KIF16B: variants seen among roughly 807,000 people sequenced by gnomAD.
The protein encoded by KIF16B is kinesin-like protein KIF16B.
A neutral mutation model predicts 156.3 loss-of-function variants in KIF16B; 98 were observed. The ratio of observed to expected loss-of-function variants is 0.63; its 90% CI spans 0.53 to 0.74. KIF16B has a LOEUF of 0.74. KIF16B is among the 30% of genes least tolerant of loss of function. KIF16B has a pLI of 0.00. For synonymous variants in KIF16B, 564 were observed against 583.7 expected (o/e 0.97, Z 0.49); for missense variants, 1,421 against 1,606.5 (o/e 0.88, Z 1.97).
intron 12 of KIF16B, among the ~76,000 whole-genome samples, chr20:16,460,410 A>G (rs574897146): frequency 6.6e-6 from 1 of 152,270 alleles, no homozygotes; most frequent in East Asian, 1.9e-4. Flanking sequence ...CATCTCTACT[A>G]AAAATACAAA....
chr20:16,561,107 T>C (rs1395535238), intron 1 of KIF16B, among the ~76,000 whole-genome samples: 1 of 152,036 alleles, frequency 6.6e-6, no homozygotes, highest in Non-Finnish European at 1.5e-5. Context: ...CTAGCCAACA[T>C]GGTGAAACCC....
intron 1 of KIF16B, among the ~76,000 whole-genome samples, chr20:16,547,421 G>C (rs1302335852): frequency 6.6e-6 from 1 of 152,224 alleles, no homozygotes; most frequent in Non-Finnish European, 1.5e-5. Flanking sequence ...ACCAAGGAGA[G>C]ACCTGACTTT....
chr20:16,382,159 AAG>A (rs753805226), intron 17 of KIF16B: 60 of 1,286,516 alleles, frequency 4.7e-5, no homozygotes, highest in South Asian at 8.6e-5. Context: ...GAGAGAGAGA[AAG>A]AGAGAGAGAG....
Position 16,379,553 on chromosome 20 carries a change from C to A in KIF16B, c.2449G>T (p.Glu817Ter). 6.2e-7 allele frequency: 1 copy of A among 1,614,186 alleles called. No homozygotes were observed. Among genetic ancestry groups the A allele is most frequent in the Non-Finnish European group, 8.5e-7 (1 of 1,180,044 alleles). Residue 817 changes from glutamate to a stop codon, truncating the protein, a stop_gained, in exon 19 of 26, where the codon GAG becomes TAG. Transcript: ENST00000354981. LOFTEE classifies it high-confidence loss of function. ...ARAGGDEDGE[E>*]LEKAQLRFFE... ...AAACGCAGTTGAGCCTTTTCTAACT[C>A]CTCGCCATCTTCATCCCCTCCGGCA...
intron 2 of KIF16B, among the ~76,000 whole-genome samples, chr20:16,527,049 G>A (rs1301439260): frequency 1.3e-5 from 2 of 152,206 alleles, no homozygotes; most frequent in Non-Finnish European, 2.9e-5. Flanking sequence ...TCCAGAGTCA[G>A]CGGTCTTTTA....
chr20:16,492,867 A>C (rs139354392), intron 12 of KIF16B, among the ~76,000 whole-genome samples: 198 of 152,226 alleles, frequency 1.3e-3, no homozygotes, highest in Non-Finnish European at 2.6e-3. Flanking sequence ...CCTCTTTGAC[A>C]AATTTCCAGA....
At chr20:16,538,116 A>G (rs1187106583) in intron 1 of KIF16B, among the ~76,000 whole-genome samples, 1 of 152,156 alleles carries the variant, frequency 6.6e-6, no homozygotes, top group Non-Finnish European at 1.5e-5. Context: ...TCTCACCTGC[A>G]TAGCTTTATT....
intron 12 of KIF16B, among the ~76,000 whole-genome samples, chr20:16,493,465 A>G (rs1403848342): frequency 6.6e-6 from 1 of 152,246 alleles, no homozygotes; most frequent in Non-Finnish European, 1.5e-5. Flanking sequence ...ACATTCTGCC[A>G]AGACTCATCT....
chr20:16,294,790 G>A (rs918632369), intron 25 of KIF16B, among the ~76,000 whole-genome samples: 2 of 152,176 alleles, frequency 1.3e-5, no homozygotes, highest in Non-Finnish European at 2.9e-5. Flanking sequence ...AACTGGGGCT[G>A]TTGGTGAGTA....
intron 15 of KIF16B, among the ~76,000 whole-genome samples, chr20:16,417,922 T>C (rs913808938): frequency 6.6e-6 from 1 of 151,792 alleles, no homozygotes; most frequent in African/African-American, 2.4e-5. Flanking sequence ...TTTGTGTAAT[T>C]GTAGTCGCAG....
chr20:16,440,825 T>C (rs1176128897), intron 12 of KIF16B, among the ~76,000 whole-genome samples: 1 of 152,214 alleles, frequency 6.6e-6, no homozygotes, highest in Non-Finnish European at 1.5e-5. Flanking sequence ...TTTATTTAAA[T>C]GCCAAACAGC....
At position 16,280,230 on chromosome 20, in the gene KIF16B, T is replaced by A. The variant is rs144855714; in HGVS notation, c.3796-6819A>T. Among the ~76,000 whole-genome samples the A allele has an allele frequency of 2.6e-3, 396 of 152,348 alleles. 3 individuals carry two copies. Among genetic ancestry groups the A allele is most frequent in the African/African-American group, 9.1e-3 (377 of 41,594 alleles). ...CTGGTTTGCTCACAGGAACTAACCA[T>A]GGATTTCATAGTCCATCCTGGCAAA... On this transcript the variant is annotated intron_variant, in intron 25 of 25. Transcript: ENST00000354981.
At chr20:16,487,516 GA>G (rs1365097254) in intron 12 of KIF16B, among the ~76,000 whole-genome samples, 2 of 152,050 alleles carry the variant, frequency 1.3e-5, no homozygotes, top group African/African-American at 4.8e-5. Context: ...CAGGCAGCCA[GA>G]GAAAAAAATC....
intron 3 of KIF16B, among the ~76,000 whole-genome samples, chr20:16,524,847 TA>T (rs1174238732): frequency 6.6e-6 from 1 of 152,064 alleles, no homozygotes; most frequent in African/African-American, 2.4e-5. Flanking sequence ...TATGCAGCCA[TA>T]AAAAAGGATG....
intron 7 of KIF16B, among the ~76,000 whole-genome samples, chr20:16,507,511 T>C (rs970343211): frequency 4.6e-5 from 7 of 152,226 alleles, no homozygotes; most frequent in African/African-American, 1.2e-4. Context: ...TTAGTACTTA[T>C]AAATATTCGC....
chr20:16,441,603 C>G (rs1181580783), intron 12 of KIF16B, among the ~76,000 whole-genome samples: 2 of 152,216 alleles, frequency 1.3e-5, no homozygotes, highest in Non-Finnish European at 2.9e-5. Flanking sequence ...ACCAGATCCT[C>G]TGAATGAGCA....
rs559538551 is a variant in KIF16B, at chr20:16,287,092, A to G, written c.3796-13681T>C. On this transcript the variant is annotated intron_variant, in intron 25 of 25. Transcript: ENST00000354981. ...AAATGGTGGTTGTTTTTAAGGTGCC[A>G]AGTTTTAGGGCAGTTCATTATACAA... Among the ~76,000 whole-genome samples, 5 of 152,342 alleles carry G rather than the reference A, an allele frequency of 3.3e-5. No homozygotes were observed. In the South Asian group the frequency reaches 1.0e-3, roughly 32 times the overall value.
intron 24 of KIF16B, among the ~76,000 whole-genome samples, chr20:16,314,268 C>T (rs371922330): frequency 3.7e-4 from 57 of 152,286 alleles, no homozygotes; most frequent in African/African-American, 1.2e-3. Flanking sequence ...TTTTTAAATT[C>T]GTTGTCTGCC....
intron 12 of KIF16B, among the ~76,000 whole-genome samples, chr20:16,472,293 G>A (rs1008054501): frequency 3.3e-5 from 5 of 152,110 alleles, no homozygotes; most frequent in African/African-American, 1.2e-4. Flanking sequence ...AATCCCTCTT[G>A]TAGGCACAGT....
Sources: allele counts gnomAD v4.1 joint callset (sites outside exome capture counted in the v4.1 genomes callset), GRCh38; gene constraint gnomAD v4.1.1; transcripts MANE v1.5; gene names NCBI Gene and HGNC (gene_info 2026-07-23, HGNC 2026-07-21).